Variants in GRIA4 observed in about 807,000 individuals in gnomAD.
GRIA4 encodes glutamate ionotropic receptor AMPA type subunit 4.
GRIA4 carries 34 observed loss-of-function variants against 104.0 expected under a neutral mutation model. That is an observed-to-expected ratio of 0.33 (90% confidence interval 0.25 to 0.44). The LOEUF is 0.44. Among genes scored for constraint, GRIA4 ranks in the 20% least tolerant of loss-of-function variants. The pLI is 1.00. For missense variants in GRIA4, 750 were observed against 1,096.5 expected (o/e 0.68, Z 4.46); for synonymous variants, 386 against 381.9 (o/e 1.01, Z -0.13).
Position 105,853,150 on chromosome 11 carries a change from C to T in GRIA4, c.488-8874C>T, listed in dbSNP as rs114311066. 3.2e-3 allele frequency among the ~76,000 whole-genome samples: 483 copies of T among 152,282 alleles called. 3 individuals carry two copies. Among genetic ancestry groups the T allele is most frequent in the African/African-American group, 0.011 (459 of 41,564 alleles). ...AAGAACCAGAATTCTTTGGACAGCA[C>T]TGGCTATCTTGCACCCTCAATTAAT... is the stretch of plus-strand genomic sequence containing the variant. On this transcript the variant is annotated intron_variant, in intron 4 of 16. Coordinates refer to ENST00000282499, the MANE Select transcript of GRIA4 (RefSeq NM_000829.4).
rs115968698 is a variant in GRIA4 at position 105,620,157 on chromosome 11, A to G, written c.247+7723A>G. ...AGTGACTTACAAATTAGTAAATCCA[A>G]TTGTTATTTCTTATGCCTCGTTTTC... On this transcript the variant is annotated intron_variant, in intron 3 of 16. Transcript: ENST00000282499. Among the ~76,000 whole-genome samples, 1,049 of 151,984 alleles carry G rather than the reference A, an allele frequency of 6.9e-3. 13 individuals are homozygous for G. The highest frequency in any genetic ancestry group is 0.024 in the African/African-American group (1,005 of 41,508).
At chr11:105,955,931 T>G (rs1191439036) in intron 14 of GRIA4, among the ~76,000 whole-genome samples, 1 of 152,214 alleles carries the variant, frequency 6.6e-6, no homozygotes, top group Admixed American at 6.5e-5. Flanking sequence ...TTTTGAGACG[T>G]GTCTGTTCAT....
At chr11:105,793,075 T>C (rs534474079) in intron 4 of GRIA4, among the ~76,000 whole-genome samples, 2 of 152,314 alleles carry the variant, frequency 1.3e-5, no homozygotes, top group Admixed American at 6.5e-5. Flanking sequence ...AGCAGGCTAA[T>C]CTCATAATTT....
intron 4 of GRIA4, among the ~76,000 whole-genome samples, chr11:105,759,120 A>G (rs1940474088): frequency 6.6e-6 from 1 of 152,162 alleles, no homozygotes; most frequent in Non-Finnish European, 1.5e-5. Context: ...TAAAGTACTT[A>G]TAAGTTCCTG....
At chr11:105,751,030 AG>A (rs1268549105) in intron 3 of GRIA4, among the ~76,000 whole-genome samples, 11 of 152,292 alleles carry the variant, frequency 7.2e-5, no homozygotes, top group African/African-American at 2.6e-4. Flanking sequence ...TATATGCATA[AG>A]TTAAAGTACA....
intron 14 of GRIA4, among the ~76,000 whole-genome samples, chr11:105,953,630 TACACACACAC>T (rs10538700): frequency 1.3e-5 from 2 of 151,494 alleles, no homozygotes; most frequent in African/African-American, 4.8e-5. Context: ...TGTATACACA[TACACACACAC>T]ACACACATAT....
chr11:105,910,609 G>T, intron 10 of GRIA4, 64 bp downstream of exon 10: 1 of 837,312 alleles, frequency 1.2e-6, no homozygotes, highest in South Asian at 1.4e-5. Context: ...ACTCCCCAGC[G>T]ACGGTGAACA....
chr11:105,757,829 C>T (rs932901553), intron 4 of GRIA4, among the ~76,000 whole-genome samples: 5 of 152,126 alleles, frequency 3.3e-5, no homozygotes, highest in African/African-American at 1.2e-4. Context: ...TGGTGCCCTA[C>T]TCCATGGAAA....
chr11:105,916,638 T>C (rs1947414904), intron 10 of GRIA4, among the ~76,000 whole-genome samples: 1 of 152,234 alleles, frequency 6.6e-6, no homozygotes, highest in South Asian at 2.1e-4. Context: ...AGTAAATTGT[T>C]CATTATGTAA....
chr11:105,952,217 G>C (rs1335879177), intron 14 of GRIA4, among the ~76,000 whole-genome samples: 1 of 152,068 alleles, frequency 6.6e-6, no homozygotes, highest in African/African-American at 2.4e-5. Context: ...TTTTTAATCT[G>C]TGTTCAAGTT....
intron 5 of GRIA4, among the ~76,000 whole-genome samples, chr11:105,869,313 T>C (rs1053267255): frequency 2.6e-5 from 4 of 152,128 alleles, no homozygotes; most frequent in African/African-American, 9.7e-5. Flanking sequence ...GCAAGAACAC[T>C]TACTGGAACA....
chr11:105,966,414 T>C (rs1187490097), intron 14 of GRIA4, among the ~76,000 whole-genome samples: 10 of 151,680 alleles, frequency 6.6e-5, no homozygotes. Flanking sequence ...TAAGCCTGTC[T>C]TGTTTTTTTT....
At chr11:105,623,772 T>C (rs1346610290) in intron 3 of GRIA4, among the ~76,000 whole-genome samples, 1 of 152,098 alleles carries the variant, frequency 6.6e-6, no homozygotes, top group Non-Finnish European at 1.5e-5. Flanking sequence ...TCATCTTTTT[T>C]TTATCACAAT....
intron 4 of GRIA4, among the ~76,000 whole-genome samples, chr11:105,823,745 T>G (rs1473909817): frequency 6.6e-6 from 1 of 151,838 alleles, no homozygotes; most frequent in African/African-American, 2.4e-5. Context: ...CTAAAGGAGG[T>G]TTTTGAGACG....
rs1345851470 is a variant in GRIA4 at position 105,924,274 on chromosome 11, TTG to T, written c.1477-124_1477-123del. The T allele has an allele frequency of 1.6e-5, 10 of 637,874 alleles. No homozygotes were observed. In the African/African-American group the frequency reaches 1.8e-4, roughly 11 times the overall value. The allele number at this position is 637,874 out of a possible 1,614,324, so 39.5% of individuals were successfully genotyped here. A position where few individuals can be genotyped will look rare whatever the true frequency, so the allele number is the denominator to read the frequency against. ...TGTCTATCACTAGGCTTATACATTG[TTG>T]GCACTCCAAAAATAAATGTAGAATA... On this transcript the variant is annotated intron_variant, in intron 11 of 16. Coordinates refer to ENST00000282499, the MANE Select transcript of GRIA4 (RefSeq NM_000829.4).
chr11:105,752,234 T>C (rs1378790120), intron 3 of GRIA4, among the ~76,000 whole-genome samples: 1 of 152,188 alleles, frequency 6.6e-6, no homozygotes, highest in Non-Finnish European at 1.5e-5. Flanking sequence ...TGTACCTGTT[T>C]CTCTGGGGTC....
rs151060190 is a variant in GRIA4 at position 105,804,668 on chromosome 11, T to C, written c.487+51448T>C. On this transcript the variant is annotated intron_variant, in intron 4 of 16. Coordinates refer to ENST00000282499, the MANE Select transcript of GRIA4 (RefSeq NM_000829.4). ...ATTATAAAAATAAATTTATTTTATATGGATGATTGCACAATTTTAAAATTC... is the reference window on the plus strand; with the variant it reads ...ATTATAAAAATAAATTTATTTTATACGGATGATTGCACAATTTTAAAATTC... Among the ~76,000 whole-genome samples the C allele has an allele frequency of 2.0e-5, 3 of 152,092 alleles. No individual in the cohort carries two copies. The East Asian group carries it at 5.8e-4, about 29-fold the overall frequency.
chr11:105,784,371 T>C (rs1032001307), intron 4 of GRIA4, among the ~76,000 whole-genome samples: 4 of 152,212 alleles, frequency 2.6e-5, no homozygotes, highest in African/African-American at 9.6e-5. Flanking sequence ...GTAATTTACA[T>C]ACAGATTTGA....
chr11:105,853,679 A>G (rs1944901941), intron 4 of GRIA4, among the ~76,000 whole-genome samples: 1 of 152,188 alleles, frequency 6.6e-6, no homozygotes. Flanking sequence ...CACCTGATAC[A>G]ATGAAATATC....
Sources: allele counts gnomAD v4.1 joint callset (sites outside exome capture counted in the v4.1 genomes callset), GRCh38; gene constraint gnomAD v4.1.1; transcripts MANE v1.5; gene names NCBI Gene and HGNC (gene_info 2026-07-23, HGNC 2026-07-21).